KANSL1: variants seen among roughly 807,000 people sequenced by gnomAD.
KANSL1 encodes the protein MLL1/MLL complex subunit KANSL1.
A neutral mutation model predicts 103.6 loss-of-function variants in KANSL1; 22 were observed. That is an observed-to-expected ratio of 0.21 (90% confidence interval 0.15 to 0.30). The LOEUF (loss-of-function observed/expected upper bound fraction) is 0.30, where lower values mean the gene tolerates loss of function less well. Among genes scored for constraint, KANSL1 ranks in the 10% least tolerant of loss-of-function variants. The pLI is 1.00. For missense variants in KANSL1, 1,337 were observed against 1,399.8 expected, an observed-to-expected ratio of 0.96 and a Z score of 0.72; for synonymous variants, 600 against 527.6, an observed-to-expected ratio of 1.14 and a Z score of -1.88.
intron 1 of KANSL1, among the ~76,000 whole-genome samples, chr17:46,178,369 C>T (rs1261219028): frequency 6.6e-6 from 1 of 152,340 alleles, no homozygotes. Context: ...ACAACCTGGG[C>T]AGTAGAATTA....
intron 14 of KANSL1, 111 bp downstream of exon 14, chr17:46,031,936 T>C (rs2077020505): frequency 4.1e-6 from 6 of 1,469,134 alleles, no homozygotes; most frequent in Non-Finnish European, 5.6e-6. Flanking sequence ...TGCAGCCCTT[T>C]GTCCCTTCAA....
At chr17:46,054,005 G>A (rs1038809670) in intron 6 of KANSL1, among the ~76,000 whole-genome samples, 1 of 152,174 alleles carries the variant, frequency 6.6e-6, no homozygotes, top group Non-Finnish European at 1.5e-5. Context: ...GTGTGCATGT[G>A]TAGCCCTAGC....
At chr17:46,096,311 CTTTTTTTTTT>C (rs71138525) in intron 2 of KANSL1, among the ~76,000 whole-genome samples, 2 of 76,406 alleles carry the variant, frequency 2.6e-5, no homozygotes, top group South Asian at 3.4e-4. Context: ...GCTTTTTTTT[CTTTTTTTTTT>C]TTTTTTTTTT....
At chr17:46,047,544 T>C (rs1009177687) in intron 7 of KANSL1, among the ~76,000 whole-genome samples, 2 of 152,158 alleles carry the variant, frequency 1.3e-5, no homozygotes, top group African/African-American at 2.4e-5. Flanking sequence ...CCCAGCACTT[T>C]GAGAGGCCAA....
In KANSL1 at chr17:46,207,023, CAGA is replaced by C. The variant is rs571771112; in HGVS notation, c.-90+16645_-90+16647del. ...AAAGGCTGAGCATGGTGGCTCACAC[CAGA>C]AGGAGAGGATCCCTTGAGGCAAGGA... On this transcript the variant is annotated intron_variant, in intron 1 of 14. Transcript: ENST00000572904. 1.4e-3 allele frequency among the ~76,000 whole-genome samples: 214 copies of C among 152,004 alleles called. 1 individual carries two copies. The highest frequency in any genetic ancestry group is 5.1e-3 in the African/African-American group (211 of 41,398).
chr17:46,084,403 C>A (rs1438217722), intron 3 of KANSL1, among the ~76,000 whole-genome samples: 2 of 151,736 alleles, frequency 1.3e-5, no homozygotes, highest in South Asian at 2.1e-4. Flanking sequence ...ACAACAACAA[C>A]AAAAATGAAT....
chr17:46,145,170 G>A (rs138021252), intron 2 of KANSL1, among the ~76,000 whole-genome samples: 6 of 152,282 alleles, frequency 3.9e-5, no homozygotes, highest in Non-Finnish European at 1.5e-5. Flanking sequence ...GAAAAGCCAC[G>A]GAGACTAGTT....
chr17:46,216,839 C>T (rs556459514), intron 1 of KANSL1, among the ~76,000 whole-genome samples: 4 of 152,078 alleles, frequency 2.6e-5, no homozygotes, highest in South Asian at 2.1e-4. Flanking sequence ...GGCACAGTGG[C>T]GCATTCCTGT....
intron 2 of KANSL1, 169 bp downstream of exon 2, chr17:46,170,686 C>T: frequency 2.8e-6 from 2 of 726,674 alleles, no homozygotes; most frequent in Non-Finnish European, 2.2e-6. Flanking sequence ...GTATCTTCCC[C>T]TTCTTCACTA....
chr17:46,144,666 G>C (rs2044603381), intron 2 of KANSL1, among the ~76,000 whole-genome samples: 1 of 148,894 alleles, frequency 6.7e-6, no homozygotes, highest in Non-Finnish European at 1.5e-5. Context: ...TATATCCAGG[G>C]GATACTACAT....
At chr17:46,220,219 A>AAT (rs1555600004) in intron 1 of KANSL1, among the ~76,000 whole-genome samples, 18 of 146,060 alleles carry the variant, frequency 1.2e-4, no homozygotes, top group African/African-American at 4.0e-4. Context: ...GTTCTTTAAA[A>AAT]TTTTTTTTTT....
At chr17:46,034,116 TAGC>T in intron 11 of KANSL1, 42 bp downstream of exon 11, 4 of 1,606,842 alleles carry the variant, frequency 2.5e-6, no homozygotes, top group Non-Finnish European at 2.6e-6. Flanking sequence ...AAAAGGGCAA[TAGC>T]AGGAAGAATG....
At chr17:46,133,611 TCAGTA>T (rs1303490585) in intron 2 of KANSL1, among the ~76,000 whole-genome samples, 1 of 152,212 alleles carries the variant, frequency 6.6e-6, no homozygotes, top group Non-Finnish European at 1.5e-5. Context: ...AGTTTTCAGC[TCAGTA>T]AAGTGCCTCC....
At chr17:46,034,012 G>T (rs1318146759) in intron 11 of KANSL1, 149 bp downstream of exon 11, 25 of 982,550 alleles carry the variant, frequency 2.5e-5, no homozygotes, top group Admixed American at 8.1e-5. Context: ...ACTATATACA[G>T]AAATAATTTC....
At position 46,208,232 on chromosome 17, in the gene KANSL1, T is replaced by C. The variant is rs141625411; in HGVS notation, c.-90+15439A>G. Reference sequence around the variant, plus strand: ...AATTTGCACCAAAATTTTCATTTCCTATGTGTAGGTGTTGAGGGTCTTGTA... The same window carrying C: ...AATTTGCACCAAAATTTTCATTTCCCATGTGTAGGTGTTGAGGGTCTTGTA... On this transcript the variant is annotated intron_variant, in intron 1 of 14. Coordinates refer to the KANSL1 transcript ENST00000572904. Among the ~76,000 whole-genome samples, 20 of 152,344 alleles carry C rather than the reference T, an allele frequency of 1.3e-4. No individual in the cohort carries two copies. The East Asian group carries it at 3.7e-3, about 28-fold the overall frequency.
intron 2 of KANSL1, among the ~76,000 whole-genome samples, chr17:46,153,359 G>A (rs577056418): frequency 2.0e-5 from 3 of 152,236 alleles, no homozygotes; most frequent in South Asian, 2.1e-4. Flanking sequence ...CGTTTTACTC[G>A]GTAAAATAGT....
chr17:46,171,281 A>C lies in KANSL1; in HGVS notation c.863T>G (p.Leu288Arg). 5 of 1,614,158 alleles carry C rather than the reference A, an allele frequency of 3.1e-6. No homozygotes were observed. The highest frequency in any genetic ancestry group is 4.2e-6 in the Non-Finnish European group (5 of 1,180,050). The change falls in exon 2 of 15, where the codon CTG becomes CGG. Residue 288 changes from leucine to arginine, a missense_variant. Physicochemically the swap from Leu to Arg is moderately radical, Grantham distance 102 (BLOSUM62 -2). Around this residue, in one of 2 missense-constraint regions of KANSL1, gnomAD observed 557 missense variants for 476.4 expected, o/e 1.17. Coordinates refer to ENST00000432791, the MANE Select transcript of KANSL1 (RefSeq NM_015443.4). ...GCTCTCAATGTCAGCCTGTCGCCGC[A>C]GTAAAGCTGTTATCCTTGTGTCAGA... ...LDSDTRITAL[L>R]RRQADIESRA...
intron 2 of KANSL1, among the ~76,000 whole-genome samples, chr17:46,120,351 A>G (rs961277298): frequency 1.3e-5 from 2 of 152,236 alleles, no homozygotes; most frequent in African/African-American, 2.4e-5. Context: ...GTGAAATGAA[A>G]TAACTTCAAG....
At chr17:46,185,841 G>A (rs1009553854) in intron 1 of KANSL1, among the ~76,000 whole-genome samples, 5 of 152,072 alleles carry the variant, frequency 3.3e-5, no homozygotes, top group Admixed American at 6.5e-5. Flanking sequence ...AGACAACATA[G>A]CAAGATACCA....
Sources: allele counts gnomAD v4.1 joint callset (sites outside exome capture counted in the v4.1 genomes callset), GRCh38; gene constraint gnomAD v4.1.1; regional missense constraint gnomAD v4.1.1; transcripts MANE v1.5; gene names NCBI Gene and HGNC (gene_info 2026-07-23, HGNC 2026-07-21).